The following PTPRD variants were observed in gnomAD, a reference collection of about 807,000 sequenced individuals.
PTPRD encodes the protein protein tyrosine phosphatase receptor type D.
A neutral mutation model predicts 214.5 loss-of-function variants in PTPRD; 34 were observed. The ratio of observed to expected loss-of-function variants is 0.16; its 90% CI spans 0.12 to 0.21. The LOEUF (loss-of-function observed/expected upper bound fraction) is 0.21, where lower values mean the gene tolerates loss of function less well. Ranked by LOEUF, PTPRD falls within the 10% of genes least tolerant of loss-of-function variation. The pLI is 1.00. For missense variants in PTPRD, 2,545 were observed against 2,398.7 expected (o/e 1.06, Z -1.27); for synonymous variants, 1,128 against 845.7 (o/e 1.33, Z -5.79).
At chr9:9,959,562 A>G (rs917359017) in intron 4 of PTPRD, among the ~76,000 whole-genome samples, 6 of 152,186 alleles carry the variant, frequency 3.9e-5, no homozygotes, top group Non-Finnish European at 8.8e-5. Flanking sequence ...CTATCTTCCT[A>G]CGACAAATAT....
intron 2 of PTPRD, among the ~76,000 whole-genome samples, chr9:10,538,492 C>T (rs1040846435): frequency 1.2e-4 from 18 of 152,016 alleles, no homozygotes; most frequent in Admixed American, 7.2e-4. Context: ...TATATATACA[C>T]AATTTTACCA....
intron 10 of PTPRD, among the ~76,000 whole-genome samples, chr9:9,155,189 G>A (rs2099880172): frequency 6.6e-6 from 1 of 152,130 alleles, no homozygotes; most frequent in African/African-American, 2.4e-5. Flanking sequence ...GATTCTAGAA[G>A]TGGGTAATGT....
intron 11 of PTPRD, among the ~76,000 whole-genome samples, chr9:8,778,172 C>T (rs1051065315): frequency 6.6e-6 from 1 of 152,146 alleles, no homozygotes; most frequent in African/African-American, 2.4e-5. Flanking sequence ...TGTATGTATT[C>T]TAATTTAAGG....
intron 8 of PTPRD, among the ~76,000 whole-genome samples, chr9:9,451,372 T>G (rs1033591062): frequency 2.0e-5 from 3 of 151,764 alleles, no homozygotes; most frequent in African/African-American, 7.2e-5. Flanking sequence ...AAACAAAAAA[T>G]GAAACCACAA....
At chr9:9,240,445 G>A (rs1191142265) in intron 9 of PTPRD, among the ~76,000 whole-genome samples, 1 of 152,124 alleles carries the variant, frequency 6.6e-6, no homozygotes, top group Non-Finnish European at 1.5e-5. Context: ...GGCCGAGGTG[G>A]GCAGATCATG....
intron 12 of PTPRD, among the ~76,000 whole-genome samples, chr9:8,731,250 T>C (rs1299068476): frequency 6.6e-6 from 1 of 152,040 alleles, no homozygotes; most frequent in Non-Finnish European, 1.5e-5. Flanking sequence ...CAAACTAGAG[T>C]GGTTTCTTTC....
chr9:9,774,103 G>C (rs186128640), intron 5 of PTPRD, among the ~76,000 whole-genome samples: 1 of 152,156 alleles, frequency 6.6e-6, no homozygotes, highest in Admixed American at 6.5e-5. Context: ...TGCTCAAAAT[G>C]AGTTATACTG....
intron 3 of PTPRD, among the ~76,000 whole-genome samples, chr9:10,061,703 A>G (rs1440672788): frequency 6.6e-6 from 1 of 152,124 alleles, no homozygotes; most frequent in Admixed American, 6.6e-5. Flanking sequence ...TGAAAGGACA[A>G]GAAACATTCT....
intron 2 of PTPRD, among the ~76,000 whole-genome samples, chr9:10,361,763 C>T (rs2097397642): frequency 6.6e-6 from 1 of 152,084 alleles, no homozygotes; most frequent in Admixed American, 6.5e-5. Flanking sequence ...TAAGAGTCAC[C>T]ACTTTTACTA....
chr9:9,754,638 C>A (rs1005416890), intron 6 of PTPRD, among the ~76,000 whole-genome samples: 1 of 152,004 alleles, frequency 6.6e-6, no homozygotes, highest in African/African-American at 2.4e-5. Context: ...TTTTTAAGGG[C>A]ACTATATTGT....
At chr9:8,555,747 G>C (rs2083524869) in intron 14 of PTPRD, among the ~76,000 whole-genome samples, 2 of 152,214 alleles carry the variant, frequency 1.3e-5, no homozygotes, top group Non-Finnish European at 2.9e-5. Context: ...TAACAGGAAG[G>C]ATGCTTTGTC....
chr9:10,135,906 A>C (rs1237742921), intron 3 of PTPRD, among the ~76,000 whole-genome samples: 2 of 151,686 alleles, frequency 1.3e-5, no homozygotes, highest in Non-Finnish European at 2.9e-5. Context: ...AATGATCTAA[A>C]AACCTGACTT....
intron 5 of PTPRD, among the ~76,000 whole-genome samples, chr9:9,884,786 C>G (rs191525436): frequency 1.3e-5 from 2 of 152,082 alleles, no homozygotes; most frequent in African/African-American, 4.8e-5. Flanking sequence ...GGGGCTTTTC[C>G]CCACTTGCTT....
At chr9:8,753,149 A>C (rs1454084087) in intron 11 of PTPRD, among the ~76,000 whole-genome samples, 1 of 152,202 alleles carries the variant, frequency 6.6e-6, no homozygotes, top group Non-Finnish European at 1.5e-5. Context: ...TTAGAATATC[A>C]GAACTTATTT....
chr9:10,449,505 C>G (rs1001629181), intron 2 of PTPRD, among the ~76,000 whole-genome samples: 1 of 144,950 alleles, frequency 6.9e-6, no homozygotes. Flanking sequence ...TGCCCATCGT[C>G]TGGGATGTGA....
chr9:9,348,941 A>G (rs759245473), intron 9 of PTPRD, among the ~76,000 whole-genome samples: 4 of 152,036 alleles, frequency 2.6e-5, no homozygotes, highest in Non-Finnish European at 1.5e-5. Context: ...AATTCAGGAG[A>G]CTAAACCTAT....
intron 10 of PTPRD, among the ~76,000 whole-genome samples, chr9:9,031,750 T>G (rs2099606168): frequency 6.6e-6 from 1 of 151,946 alleles, no homozygotes. Context: ...AAGAGACACC[T>G]GACAAAAGTA....
intron 11 of PTPRD, among the ~76,000 whole-genome samples, chr9:8,847,191 T>C (rs1477901127): frequency 1.3e-5 from 2 of 152,092 alleles, no homozygotes; most frequent in African/African-American, 2.4e-5. Flanking sequence ...TTTTGGTACA[T>C]ATAAATCAAA....
intron 12 of PTPRD, among the ~76,000 whole-genome samples, chr9:8,691,511 T>C (rs772245688): frequency 1.3e-5 from 2 of 152,044 alleles, no homozygotes; most frequent in Non-Finnish European, 2.9e-5. Context: ...AACAAACCTC[T>C]CCTGGTTGGT....
Sources: gnomAD v4.1 joint callset for allele counts (sites outside exome capture counted in the v4.1 genomes callset) on GRCh38, gnomAD v4.1.1 for gene constraint, MANE v1.5 for transcripts, NCBI Gene and HGNC (gene_info 2026-07-23, HGNC 2026-07-21) for gene names.